The following THNSL1 variants were observed in gnomAD, a reference collection of about 807,000 sequenced individuals.
The protein encoded by THNSL1 is threonine synthase-like 1.
Under a neutral mutation model 50.4 loss-of-function variants are expected in THNSL1, and 48 were observed. The ratio of observed to expected loss-of-function variants is 0.95; its 90% CI spans 0.76 to 1.21. The LOEUF is 1.21. THNSL1 is among the 50% of genes most tolerant of loss of function. THNSL1 has a pLI of 0.00. For missense variants in THNSL1, 896 were observed against 871.7 expected (o/e 1.03, Z -0.35); for synonymous variants, 309 against 306.1 (o/e 1.01, Z -0.10).
the THNSL1 span, among the ~76,000 whole-genome samples, chr10:24,993,487 C>T: frequency 6.6e-6 from 1 of 152,126 alleles, no homozygotes; most frequent in African/African-American, 2.4e-5. Context: ...ATCATCTATC[C>T]TTGCTTGTTT....
the THNSL1 span, among the ~76,000 whole-genome samples, chr10:24,973,978 T>G: frequency 5.9e-5 from 9 of 152,120 alleles, no homozygotes. Context: ...GGACTCAAAC[T>G]CCTGACCTCA....
the THNSL1 span, among the ~76,000 whole-genome samples, chr10:24,992,297 G>A: frequency 6.6e-6 from 1 of 152,132 alleles, no homozygotes; most frequent in Non-Finnish European, 1.5e-5. Context: ...AAATAAAGAA[G>A]GATAGTGGGG....
At chr10:24,982,353 T>C in the THNSL1 span, 1 of 152,188 alleles carries the variant, frequency 6.6e-6, no homozygotes, top group African/African-American at 2.4e-5. Flanking sequence ...ACTATGGGAA[T>C]GCCAGTTACA....
the THNSL1 span, among the ~76,000 whole-genome samples, chr10:24,966,843 A>C: frequency 6.6e-6 from 1 of 152,198 alleles, no homozygotes; most frequent in Non-Finnish European, 1.5e-5. Context: ...TAAGGCTATT[A>C]TGAGGACTGA....
chr10:24,994,669 A>T, the THNSL1 span, among the ~76,000 whole-genome samples: 1 of 152,144 alleles, frequency 6.6e-6, no homozygotes, highest in African/African-American at 2.4e-5. Context: ...TTTAAGCTTT[A>T]TAAGTGCGCA....
the THNSL1 span, chr10:24,952,716 G>C: frequency 1.2e-6 from 1 of 811,542 alleles, no homozygotes; most frequent in South Asian, 1.9e-5. The surrounding 1 kb of genome is among the most constrained non-coding windows in gnomAD (Gnocchi z 5.1). Context: ...CCCGCCCCGG[G>C]CCCGCCGGCG....
the THNSL1 span, among the ~76,000 whole-genome samples, chr10:24,970,452 G>A: frequency 6.6e-6 from 1 of 152,268 alleles, no homozygotes; most frequent in East Asian, 1.9e-4. Context: ...ACCCACACCT[G>A]TAATCTCAGC....
upstream of THNSL1, chr10:25,016,190 G>A: frequency 1.7e-6 from 2 of 1,177,058 alleles, no homozygotes; most frequent in Non-Finnish European, 2.1e-6. Context: ...ACTAGGCAAC[G>A]AGGAAGTGGC....
chr10:24,959,680 T>G, the THNSL1 span, among the ~76,000 whole-genome samples: 1 of 144,374 alleles, frequency 6.9e-6, no homozygotes, highest in East Asian at 2.0e-4. Context: ...TTTCCCAAAC[T>G]TTTTTTTTTT....
At chr10:24,958,112 G>A in the THNSL1 span, among the ~76,000 whole-genome samples, 2 of 152,108 alleles carry the variant, frequency 1.3e-5, no homozygotes, top group Admixed American at 1.3e-4. Flanking sequence ...AATACAGAAA[G>A]GCATTTAATT....
the THNSL1 span, chr10:24,953,422 C>T: frequency 6.6e-6 from 1 of 152,420 alleles, no homozygotes; most frequent in African/African-American, 2.4e-5. Context: ...TACACATTCT[C>T]TGCTTTACCA....
chr10:24,955,175 C>T, the THNSL1 span, among the ~76,000 whole-genome samples: 22 of 152,122 alleles, frequency 1.4e-4, no homozygotes, highest in Non-Finnish European at 1.9e-4. Flanking sequence ...GGTGTAGTGC[C>T]ACATACTTTT....
intron 1 of THNSL1, among the ~76,000 whole-genome samples, chr10:25,017,304 C>T (rs1850622125): frequency 6.6e-6 from 1 of 152,098 alleles, no homozygotes; most frequent in Admixed American, 6.5e-5. Flanking sequence ...ATGGGCCTGC[C>T]GTAGGAAAGT....
At chr10:24,998,321 C>T in the THNSL1 span, among the ~76,000 whole-genome samples, 1 of 149,104 alleles carries the variant, frequency 6.7e-6, no homozygotes, top group Non-Finnish European at 1.5e-5. Flanking sequence ...CTCCCCTCCC[C>T]TCCCCTCCCT....
the THNSL1 span, chr10:24,995,712 AT>A: frequency 6.2e-7 from 1 of 1,614,072 alleles, no homozygotes; most frequent in South Asian, 1.1e-5. Flanking sequence ...CAGTTCTTTT[AT>A]CAACATAAAT....
the THNSL1 span, among the ~76,000 whole-genome samples, chr10:24,968,337 C>T: frequency 1.3e-5 from 2 of 152,158 alleles, no homozygotes; most frequent in East Asian, 1.9e-4. Flanking sequence ...TGCTCCTGCC[C>T]GTGAAGCCTA....
intron 1 of THNSL1, among the ~76,000 whole-genome samples, chr10:25,017,688 A>T (rs1850635197): frequency 6.6e-6 from 1 of 151,032 alleles, no homozygotes; most frequent in African/African-American, 2.4e-5. Flanking sequence ...AATTCTCCAG[A>T]TTTCTTCACA....
the THNSL1 span, among the ~76,000 whole-genome samples, chr10:24,967,907 ATGTGTATACGTGTGTATGATGTG>A: frequency 6.8e-6 from 1 of 146,672 alleles, no homozygotes; most frequent in Non-Finnish European, 1.5e-5. Flanking sequence ...TGTATGATGT[ATGTGTATACGTGTGTATGATGTG>A]TGTGTATATG....
At position 25,024,493 on chromosome 10, in the gene THNSL1, CAGAG is replaced by C. The variant is rs1361427600; in HGVS notation, c.1274_1277del (p.Arg425LysfsTer19). On this transcript the variant is annotated frameshift_variant, in exon 3 of 3. Coordinates refer to ENST00000376356, the MANE Select transcript of THNSL1 (RefSeq NM_024838.5). LOFTEE classifies it high-confidence loss of function. ...TCAAAAAGCACAAATAATTGGCAGT[CAGAG>C]AGAAAATGGATGGGCAGTGGGTGTT... 19 of 1,614,148 alleles carry C rather than the reference CAGAG, an allele frequency of 1.2e-5. No homozygotes were observed. The highest frequency in any genetic ancestry group is 1.4e-5 in the Non-Finnish European group (17 of 1,180,032).
Sources: allele counts gnomAD v4.1 joint callset (sites outside exome capture counted in the v4.1 genomes callset), GRCh38; gene constraint gnomAD v4.1.1; non-coding constraint Gnocchi (gnomAD v3.1); transcripts MANE v1.5; gene names NCBI Gene and HGNC (gene_info 2026-07-23, HGNC 2026-07-21).